ADAP2: variants seen among roughly 807,000 people sequenced by gnomAD.
The protein encoded by ADAP2 is ArfGAP with dual PH domains 2, also known as arf-GAP with dual PH domain-containing protein 2.
ADAP2 carries 42 observed loss-of-function variants against 54.9 expected under a neutral mutation model. The ratio of observed to expected loss-of-function variants is 0.77; its 90% CI spans 0.60 to 0.99. The LOEUF (loss-of-function observed/expected upper bound fraction) is 0.99, where lower values mean the gene tolerates loss of function less well. Among genes scored for constraint, ADAP2 ranks in the 50% least tolerant of loss-of-function variants. ADAP2 has a pLI of 0.00. For synonymous variants in ADAP2, 177 were observed against 180.1 expected, an observed-to-expected ratio of 0.98 and a Z score of 0.14; for missense variants, 429 against 480.4, an observed-to-expected ratio of 0.89 and a Z score of 1.00.
intron 5 of ADAP2, among the ~76,000 whole-genome samples, chr17:30,934,961 G>A (rs1911766247): frequency 6.6e-6 from 1 of 152,152 alleles, no homozygotes; most frequent in African/African-American, 2.4e-5. Flanking sequence ...TCTGAGGTGG[G>A]AGAACTGCTT....
chr17:30,955,295 G>T (rs894747168), intron 9 of ADAP2, among the ~76,000 whole-genome samples: 1 of 151,774 alleles, frequency 6.6e-6, no homozygotes. Flanking sequence ...AAAAAATTTA[G>T]GGCTGGATGT....
chr17:30,947,244 A>G (rs1161502756), intron 6 of ADAP2, among the ~76,000 whole-genome samples: 1 of 152,220 alleles, frequency 6.6e-6, no homozygotes, highest in African/African-American at 2.4e-5. Flanking sequence ...ACAGACATGT[A>G]TGCAGGTTGG....
rs181983741 is a variant in ADAP2, at chr17:30,955,099, G to A, written c.882+544G>A. Among the ~76,000 whole-genome samples, 315 of 145,516 alleles carry A rather than the reference G, an allele frequency of 2.2e-3. 1 individual carries two copies. Among genetic ancestry groups the A allele is most frequent in the Admixed American group, 5.3e-3 (81 of 15,164 alleles). The stretch of plus-strand genomic sequence containing the variant: ...TGATTTTAATAAGTGCTCCGTAAAT[G>A]TTAGGTATCACTTATTTTTTTTTTT... On this transcript the variant is annotated intron_variant, in intron 9 of 10. Transcript: ENST00000330889.
intron 2 of ADAP2, among the ~76,000 whole-genome samples, chr17:30,925,555 C>A (rs924667319): frequency 6.6e-6 from 1 of 151,012 alleles, no homozygotes; most frequent in African/African-American, 2.4e-5. Flanking sequence ...CTTCCTTCTT[C>A]TTCTTCTTCT....
chr17:30,952,601 C>G (rs1165415080), intron 7 of ADAP2, among the ~76,000 whole-genome samples: 2 of 152,206 alleles, frequency 1.3e-5, no homozygotes, highest in East Asian at 3.9e-4. Context: ...GTCTCAAACT[C>G]CTGGCCTCAA....
At position 30,956,329 on chromosome 17, in the gene ADAP2, A is replaced by G; in HGVS notation, c.971A>G (p.Asn324Ser). ...YEDLPKGIRG[N>S]RWKAGLTIVT... ...GACCTGCCCAAGGGCATCCGAGGAA[A>G]TCGCTGGAAAGCCGGACTCACCATT... Residue 324 changes from asparagine to serine, a missense_variant, in exon 10 of 11, where the codon AAT becomes AGT. Coordinates refer to ENST00000330889, the MANE Select transcript of ADAP2 (RefSeq NM_018404.3). 1.2e-6 allele frequency: 2 copies of G among 1,614,224 alleles called. No homozygotes were observed.
intron 5 of ADAP2, among the ~76,000 whole-genome samples, chr17:30,939,677 A>T (rs2142544830): frequency 6.7e-6 from 1 of 149,830 alleles, no homozygotes; most frequent in East Asian, 2.0e-4. Context: ...AGGCTGAGGC[A>T]GGAGAATGGC....
chr17:30,951,498 A>AT (rs1372629084), intron 7 of ADAP2, among the ~76,000 whole-genome samples: 4 of 151,668 alleles, frequency 2.6e-5, no homozygotes, highest in Admixed American at 6.6e-5. Context: ...TACATTAAAA[A>AT]TTTTTTTTTA....
At chr17:30,925,061 T>C (rs1416111681) in intron 2 of ADAP2, among the ~76,000 whole-genome samples, 2 of 151,622 alleles carry the variant, frequency 1.3e-5, no homozygotes, top group Non-Finnish European at 2.9e-5. Context: ...TAGTAGAATT[T>C]TTACTAGAGA....
chr17:30,933,751 G>A (rs566122760), intron 4 of ADAP2, among the ~76,000 whole-genome samples: 2 of 152,318 alleles, frequency 1.3e-5, no homozygotes, highest in East Asian at 3.9e-4. Context: ...GCCCGCCTCG[G>A]CCTCCCAAAG....
chr17:30,957,879 T>C lies in ADAP2; in HGVS notation c.*10T>C. 1 of 1,612,290 alleles carries C rather than the reference T, an allele frequency of 6.2e-7. No homozygotes were observed. The highest frequency in any genetic ancestry group is 8.5e-7 in the Non-Finnish European group (1 of 1,179,222). The stretch of plus-strand genomic sequence containing the variant: ...CCGCAGCAGCAGGTGACCCATTAAC[T>C]GAGGAACTGGCTGCCACTGAACACC... On this transcript the variant is annotated 3_prime_UTR_variant, in exon 11 of 11. Coordinates refer to ENST00000330889, the MANE Select transcript of ADAP2 (RefSeq NM_018404.3).
chr17:30,956,555 C>T (rs1376988381), intron 10 of ADAP2, 86 bp downstream of exon 10: 1 of 1,179,856 alleles, frequency 8.5e-7, no homozygotes, highest in Non-Finnish European at 1.2e-6. Context: ...GCTTTGATAC[C>T]ACAAAAGATT....
chr17:30,946,786 G>T (rs531098690), intron 6 of ADAP2, among the ~76,000 whole-genome samples: 27 of 152,238 alleles, frequency 1.8e-4, no homozygotes, highest in African/African-American at 6.3e-4. Context: ...TTAGTAACTT[G>T]CTCAGGGTCA....
chr17:30,939,071 G>T (rs1302329974), intron 5 of ADAP2, among the ~76,000 whole-genome samples: 1 of 152,164 alleles, frequency 6.6e-6, no homozygotes, highest in Non-Finnish European at 1.5e-5. Flanking sequence ...GTTAGAGGAA[G>T]AATTTTTTCC....
intron 2 of ADAP2, among the ~76,000 whole-genome samples, chr17:30,924,370 CAA>C (rs796527911): frequency 2.7e-4 from 35 of 130,868 alleles, no homozygotes; most frequent in Admixed American, 3.1e-4. Flanking sequence ...GACCCTACCT[CAA>C]AAAAAAAAAA....
intron 3 of ADAP2, among the ~76,000 whole-genome samples, chr17:30,928,925 T>C (rs1397869061): frequency 6.6e-6 from 1 of 152,184 alleles, no homozygotes; most frequent in Non-Finnish European, 1.5e-5. Flanking sequence ...CCCAGCCTCA[T>C]AGCGGGTATG....
intron 5 of ADAP2, among the ~76,000 whole-genome samples, chr17:30,939,771 C>CAAA (rs1334968924): frequency 1.8e-5 from 1 of 55,920 alleles, no homozygotes; most frequent in African/African-American, 6.2e-5. Context: ...ATTCCATTTC[C>CAAA]AAAAAAAAAA....
At chr17:30,926,731 C>A (rs1460833232) in intron 2 of ADAP2, 96 bp from the exon 3 acceptor site, 4 of 1,056,518 alleles carry the variant, frequency 3.8e-6, no homozygotes, top group East Asian at 2.4e-5. Flanking sequence ...TTCTTGGAGG[C>A]AGTTTCTTCT....
chr17:30,924,935 C>T (rs377678094), intron 2 of ADAP2, among the ~76,000 whole-genome samples: 5 of 147,204 alleles, frequency 3.4e-5, no homozygotes, highest in Middle Eastern at 3.6e-3. Context: ...TGCAATGATG[C>T]GATCTTGGCT....
Sources: allele counts gnomAD v4.1 joint callset (sites outside exome capture counted in the v4.1 genomes callset), GRCh38; gene constraint gnomAD v4.1.1; transcripts MANE v1.5; gene names NCBI Gene and HGNC (gene_info 2026-07-23, HGNC 2026-07-21).